Variants in KLHL20 observed in about 807,000 individuals in gnomAD.
KLHL20 encodes the protein kelch-like protein 20.
Under a neutral mutation model 69.5 loss-of-function variants are expected in KLHL20, and 29 were observed. The ratio of observed to expected loss-of-function variants is 0.42; its 90% CI spans 0.31 to 0.57. KLHL20 has a LOEUF of 0.57. KLHL20 is among the 20% of genes least tolerant of loss of function. The pLI is 0.18. For synonymous variants in KLHL20, 253 were observed against 265.2 expected (o/e 0.95, Z 0.45); for missense variants, 419 against 776.0 (o/e 0.54, Z 5.47).
chr1:173,741,739 A>C (rs905706241), intron 3 of KLHL20: 1 of 1,377,788 alleles, frequency 7.3e-7, no homozygotes, highest in African/African-American at 1.4e-5. Flanking sequence ...CACAAGAAGA[A>C]ATGCCTGGTT....
At chr1:173,767,969 T>C (rs1036029269) in intron 8 of KLHL20, among the ~76,000 whole-genome samples, 1 of 152,182 alleles carries the variant, frequency 6.6e-6, no homozygotes. Flanking sequence ...ACACTGATTG[T>C]ACCTAACATT....
In KLHL20 at chr1:173,786,292, C is replaced by A. The variant is rs1649198114; in HGVS notation, c.*1045C>A. ...GAGGCATTTTATTAATATCTTGGTT[C>A]TTTTATACAAACAATGTATCATTAT... On this transcript the variant is annotated 3_prime_UTR_variant, in exon 12 of 12. Transcript: ENST00000209884. 6.6e-6 allele frequency: 1 copy of A among 152,554 alleles called. No individual in the cohort carries two copies. Among genetic ancestry groups the A allele is most frequent in the Non-Finnish European group, 1.5e-5 (1 of 68,032 alleles). 9.5% of individuals were successfully genotyped at this position (152,554 alleles called of 1,614,324 possible).
intron 3 of KLHL20, among the ~76,000 whole-genome samples, chr1:173,744,748 A>T (rs1672978125): frequency 6.6e-6 from 1 of 152,130 alleles, no homozygotes; most frequent in Non-Finnish European, 1.5e-5. Flanking sequence ...TTTATTATAC[A>T]CTAAATTTCT....
rs750095765 is a variant in KLHL20, at chr1:173,716,006, CG to C, written c.-36del. The C allele has an allele frequency of 6.2e-7, 1 of 1,605,126 alleles. No homozygotes were observed. Among genetic ancestry groups the C allele is most frequent in the Non-Finnish European group, 8.5e-7 (1 of 1,174,868 alleles). On this transcript the variant is annotated 5_prime_UTR_variant, in exon 2 of 12. Transcript: ENST00000209884. ...TCCTGCTTTTCTGTTGTCTTAGGTT[CG>C]GCTTTAGAGTGTGGTGAAGGGTACT...
chr1:173,755,859 A>T, intron 5 of KLHL20, 64 bp from the exon 6 acceptor site: 1 of 1,074,872 alleles, frequency 9.3e-7, no homozygotes, highest in Non-Finnish European at 1.4e-6. Context: ...TTCCTAAACT[A>T]CATTGGGACT....
intron 2 of KLHL20, among the ~76,000 whole-genome samples, chr1:173,721,759 G>A (rs1400731280): frequency 6.6e-6 from 1 of 152,164 alleles, no homozygotes; most frequent in Non-Finnish European, 1.5e-5. Context: ...GTGGAATATA[G>A]TGCCTATTGG....
intron 3 of KLHL20, among the ~76,000 whole-genome samples, chr1:173,740,008 T>G (rs1340479274): frequency 6.6e-6 from 1 of 152,144 alleles, no homozygotes; most frequent in Non-Finnish European, 1.5e-5. Context: ...TTGATAATGG[T>G]CTATCCATTT....
chr1:173,784,826 T>G (rs1442195370), intron 11 of KLHL20, among the ~76,000 whole-genome samples: 1 of 152,156 alleles, frequency 6.6e-6, no homozygotes, highest in Non-Finnish European at 1.5e-5. Flanking sequence ...ATTTTGAAAA[T>G]GTAGAATATA....
At chr1:173,720,761 T>C (rs1671678111) in intron 2 of KLHL20, among the ~76,000 whole-genome samples, 1 of 152,076 alleles carries the variant, frequency 6.6e-6, no homozygotes, top group Non-Finnish European at 1.5e-5. Flanking sequence ...GATAGTGTTA[T>C]AAATGACTCC....
rs530823262 is a variant in KLHL20 at position 173,739,792 on chromosome 1, A to C, written c.597+5506A>C. Among the ~76,000 whole-genome samples the C allele has an allele frequency of 2.0e-5, 3 of 151,718 alleles. No homozygotes were observed. In the South Asian group the frequency reaches 6.3e-4, roughly 32 times the overall value. On this transcript the variant is annotated intron_variant, in intron 3 of 11. Coordinates refer to ENST00000209884, the MANE Select transcript of KLHL20 (RefSeq NM_014458.4). ...TCAGCTGGGATTACAGGCACCTGCC[A>C]CCACGCCCAGCTAATTTTTTGTATT...
intron 2 of KLHL20, among the ~76,000 whole-genome samples, chr1:173,724,166 T>G (rs1351780731): frequency 6.6e-6 from 1 of 151,420 alleles, no homozygotes; most frequent in Non-Finnish European, 1.5e-5. Flanking sequence ...TATATATGTT[T>G]TGGGGATTTT....
chr1:173,729,843 A>G (rs540624115), intron 2 of KLHL20, among the ~76,000 whole-genome samples: 1 of 152,200 alleles, frequency 6.6e-6, no homozygotes, highest in African/African-American at 2.4e-5. Flanking sequence ...ACTCCTATTC[A>G]ACATAGTGTT....
At position 173,755,876 on chromosome 1, in the gene KLHL20, A is replaced by T. The variant is rs369100714; in HGVS notation, c.852-47A>T. 5.6e-6 allele frequency: 7 copies of T among 1,256,920 alleles called. No individual in the cohort carries two copies. The African/African-American group carries it at 1.1e-4, about 19-fold the overall frequency. 77.9% of individuals were successfully genotyped at this position (1,256,920 alleles called of 1,614,324 possible). A position where few individuals can be genotyped will look rare whatever the true frequency, so the allele number is the denominator to read the frequency against. On this transcript the variant is annotated intron_variant, in intron 5 of 11. Transcript: ENST00000209884. ...CCTAAACTACATTGGGACTTAACTAACAATGTAATTTAGATATTTGGAATA... is the reference window on the plus strand; with the variant it reads ...CCTAAACTACATTGGGACTTAACTATCAATGTAATTTAGATATTTGGAATA...
At chr1:173,774,531 C>T (rs1648326919) in intron 9 of KLHL20, 93 bp downstream of exon 9, 1 of 1,391,178 alleles carries the variant, frequency 7.2e-7, no homozygotes, top group Non-Finnish European at 1.0e-6. Context: ...CCAGGTTATC[C>T]TATAATTTAC....
chr1:173,780,692 A>G (rs2102540469), intron 10 of KLHL20, among the ~76,000 whole-genome samples: 1 of 152,186 alleles, frequency 6.6e-6, no homozygotes, highest in East Asian at 1.9e-4. Context: ...TGGGAGGATC[A>G]CTTGAACCTA....
At chr1:173,750,373 AC>A (rs1350076424) in intron 3 of KLHL20, among the ~76,000 whole-genome samples, 1 of 152,004 alleles carries the variant, frequency 6.6e-6, no homozygotes, top group African/African-American at 2.4e-5. Context: ...ATGGTGGTAC[AC>A]CTACGGCGTA....
At chr1:173,740,902 C>G (rs925341145) in intron 3 of KLHL20, among the ~76,000 whole-genome samples, 19 of 152,288 alleles carry the variant, frequency 1.2e-4, no homozygotes, top group African/African-American at 4.3e-4. Context: ...TTCTATGGCC[C>G]TTCCCCAGTT....
intron 2 of KLHL20, among the ~76,000 whole-genome samples, chr1:173,729,162 G>T (rs911651150): frequency 2.0e-5 from 3 of 152,100 alleles, no homozygotes; most frequent in Admixed American, 2.0e-4. Context: ...ACCCTCCCTA[G>T]ACTAAACCAG....
chr1:173,722,826 A>G (rs1025072799), intron 2 of KLHL20, among the ~76,000 whole-genome samples: 6 of 151,784 alleles, frequency 4.0e-5, no homozygotes, highest in African/African-American at 1.5e-4. Flanking sequence ...AGTAGCTGGG[A>G]TTACAGGCAT....
Sources: gnomAD v4.1 joint callset for allele counts (sites outside exome capture counted in the v4.1 genomes callset) on GRCh38, gnomAD v4.1.1 for gene constraint, MANE v1.5 for transcripts, NCBI Gene and HGNC (gene_info 2026-07-23, HGNC 2026-07-21) for gene names.